GRK4: variants seen among roughly 807,000 people sequenced by gnomAD.
GRK4 encodes G protein-coupled receptor kinase 2-like.
GRK4 carries 73 observed loss-of-function variants against 77.9 expected under a neutral mutation model. The observed-to-expected ratio is 0.94, with a 90% CI of 0.78 to 1.14. The LOEUF is 1.14. GRK4 is among the 50% of genes most tolerant of loss of function. The pLI is 0.00. For missense variants in GRK4, 729 were observed against 700.2 expected (o/e 1.04, Z -0.46); for synonymous variants, 257 against 254.4 (o/e 1.01, Z -0.10).
intron 4 of GRK4, among the ~76,000 whole-genome samples, chr4:2,997,100 T>C (rs774288470): frequency 2.6e-5 from 4 of 152,196 alleles, no homozygotes; most frequent in Non-Finnish European, 5.9e-5. Context: ...AGCAAGACCG[T>C]GTGTTCATTC....
At chr4:2,989,141 A>T (rs1419382510) in intron 3 of GRK4, among the ~76,000 whole-genome samples, 1 of 151,888 alleles carries the variant, frequency 6.6e-6, no homozygotes, top group Non-Finnish European at 1.5e-5. Flanking sequence ...AGATCGCACC[A>T]CTGCCTTCCA....
chr4:2,994,680 A>G (rs554297332), intron 4 of GRK4, among the ~76,000 whole-genome samples: 3 of 152,374 alleles, frequency 2.0e-5, no homozygotes, highest in Non-Finnish European at 2.9e-5. Flanking sequence ...CAAATGTGGA[A>G]GAGGAGGGAA....
chr4:2,981,928 G>A lies in GRK4; in HGVS notation c.53-2585G>A, dbSNP rs1722985747. Among the ~76,000 whole-genome samples the A allele has an allele frequency of 2.0e-5, 3 of 152,256 alleles. No individual in the cohort carries two copies. In the South Asian group the frequency reaches 6.2e-4, roughly 31 times the overall value. On this transcript the variant is annotated intron_variant, in intron 1 of 15. Coordinates refer to ENST00000398052, the MANE Select transcript of GRK4 (RefSeq NM_182982.3). ...TGGTGTCCAAAGTCTGGAGGGGGCTGAGGTGGCAGGTGGCTGGTGTGTCAG... is the reference window on the plus strand; with the variant it reads ...TGGTGTCCAAAGTCTGGAGGGGGCTAAGGTGGCAGGTGGCTGGTGTGTCAG...
At chr4:2,972,526 G>C (rs1041734721) in intron 1 of GRK4, among the ~76,000 whole-genome samples, 2 of 145,104 alleles carry the variant, frequency 1.4e-5, no homozygotes, top group South Asian at 2.1e-4. Flanking sequence ...CCAAACCTGC[G>C]GGGGGGGGCC....
chr4:3,014,729 G>A (rs1197059538), intron 8 of GRK4, among the ~76,000 whole-genome samples: 2 of 152,014 alleles, frequency 1.3e-5, no homozygotes, highest in African/African-American at 2.4e-5. Context: ...CCTGGGAGGC[G>A]GAGGTTGCAG....
intron 12 of GRK4, 131 bp from the exon 13 acceptor site, chr4:3,035,255 A>T (rs1740283911): frequency 1.0e-6 from 1 of 985,330 alleles, no homozygotes; most frequent in Non-Finnish European, 1.6e-6. Flanking sequence ...AAAAAAAGAA[A>T]AAAAAAGAAA....
intron 8 of GRK4, among the ~76,000 whole-genome samples, chr4:3,015,951 C>T (rs889174607): frequency 4.7e-5 from 7 of 149,112 alleles, no homozygotes; most frequent in Non-Finnish European, 8.9e-5. Context: ...CACTGTCTCC[C>T]GGGCTGGAGT....
At chr4:3,004,865 A>G (rs1221681007) in intron 5 of GRK4, among the ~76,000 whole-genome samples, 5 of 151,924 alleles carry the variant, frequency 3.3e-5, no homozygotes, top group African/African-American at 9.7e-5. Context: ...CTCAACCCGC[A>G]TTGTTCAAGG....
chr4:3,003,267 G>T (rs972337237), intron 4 of GRK4, among the ~76,000 whole-genome samples: 1 of 152,158 alleles, frequency 6.6e-6, no homozygotes, highest in Non-Finnish European at 1.5e-5. Flanking sequence ...TCAGCTCACT[G>T]CAACCTCCGC....
intron 7 of GRK4, among the ~76,000 whole-genome samples, chr4:3,013,441 A>G (rs918974616): frequency 6.6e-6 from 1 of 152,150 alleles, no homozygotes; most frequent in Non-Finnish European, 1.5e-5. Flanking sequence ...AAAATTAAAC[A>G]TTTACCGTGA....
intron 14 of GRK4, 46 bp downstream of exon 14, chr4:3,037,557 A>G: frequency 6.4e-7 from 1 of 1,552,340 alleles, no homozygotes; most frequent in Non-Finnish European, 8.8e-7. Context: ...TCCAACAGTG[A>G]CCCAGGGAAA....
intron 4 of GRK4, among the ~76,000 whole-genome samples, chr4:2,994,521 A>G (rs371842394): frequency 8.5e-5 from 13 of 152,256 alleles, no homozygotes; most frequent in South Asian, 4.1e-4. Context: ...CCATTTATCT[A>G]GTTATTATTC....
intron 4 of GRK4, among the ~76,000 whole-genome samples, chr4:2,993,546 T>C (rs2515940): frequency 0.39 from 59,673 of 151,614 alleles, 12,652 homozygotes; most frequent in African/African-American, 0.55. Context: ...TGGTGGTGCA[T>C]GCCTGTAATC....
chr4:3,026,566 CAAAAG>C (rs1418977726), intron 10 of GRK4, among the ~76,000 whole-genome samples: 1 of 151,926 alleles, frequency 6.6e-6, no homozygotes, highest in Non-Finnish European at 1.5e-5. Context: ...CCTGTCTCTA[CAAAAG>C]AAAAGAAAAG....
intron 14 of GRK4, 133 bp from the exon 15 acceptor site, chr4:3,038,242 AG>A: frequency 9.9e-7 from 1 of 1,008,028 alleles, no homozygotes; most frequent in East Asian, 2.4e-5. Context: ...AACCCAGAAA[AG>A]GGGCCCCACA....
At position 2,992,377 on chromosome 4, in the gene GRK4, A is replaced by G. The variant is rs181062793; in HGVS notation, c.339+85A>G. The stretch of plus-strand genomic sequence containing the variant: ...TTTACTTTGTTAGATAAGACGTAAC[A>G]TATGTTAAAAGCTTTAATTTGGCTG... On this transcript the variant is annotated intron_variant, in intron 4 of 15. Transcript: ENST00000398052. 4.4e-6 allele frequency: 4 copies of G among 913,770 alleles called. No homozygotes were observed. The East Asian group carries it at 7.8e-5, about 18-fold the overall frequency. The allele number at this position is 913,770 out of a possible 1,614,324, so 56.6% of individuals were successfully genotyped here. A position where few individuals can be genotyped will look rare whatever the true frequency, so the allele number is the denominator to read the frequency against.
intron 2 of GRK4, among the ~76,000 whole-genome samples, chr4:2,987,476 G>A (rs745429569): frequency 6.6e-6 from 1 of 152,140 alleles, no homozygotes; most frequent in Non-Finnish European, 1.5e-5. Flanking sequence ...CAGTTCGGTG[G>A]CATTGAGTTG....
At position 3,037,409 on chromosome 4, in the gene GRK4, C is replaced by T. The variant is rs759753038; in HGVS notation, c.1443C>T (p.Ile481=). ...TTTACTGTAAGGACGTCCTGGATATCGAGCAGTTCTCGGTGGTGAAAGGGA... is the reference window on the plus strand; with the variant it reads ...TTTACTGTAAGGACGTCCTGGATATTGAGCAGTTCTCGGTGGTGAAAGGGA... ...HAVYCKDVLD[I]EQFSVVKGIY... Residue 481 remains isoleucine, a synonymous_variant, in exon 14 of 16, where the codon ATC becomes ATT. Coordinates refer to ENST00000398052, the MANE Select transcript of GRK4 (RefSeq NM_182982.3). 3.1e-6 allele frequency: 5 copies of T among 1,609,088 alleles called. No individual in the cohort carries two copies. Among genetic ancestry groups the T allele is most frequent in the South Asian group, 1.1e-5 (1 of 90,852 alleles).
Position 3,019,709 on chromosome 4 carries a change from G to A in GRK4, c.810G>A (p.Gly270=). The A allele has an allele frequency of 6.2e-7, 1 of 1,614,176 alleles. No homozygotes were observed. The highest frequency in any genetic ancestry group is 8.5e-7 in the Non-Finnish European group (1 of 1,180,028). ...TGGTGCTCACCATTATGAATGGAGG[G>A]GATTTGAAGTTTCACATTTACAACC... is the stretch of plus-strand genomic sequence containing the variant. ...LCLVLTIMNG[G]DLKFHIYNLG... Residue 270 remains glycine (G), a synonymous_variant, in exon 9 of 16, where the codon GGG becomes GGA. Transcript: ENST00000398052.
Sources: gnomAD v4.1 joint callset for allele counts (sites outside exome capture counted in the v4.1 genomes callset) on GRCh38, gnomAD v4.1.1 for gene constraint, MANE v1.5 for transcripts, NCBI Gene and HGNC (gene_info 2026-07-23, HGNC 2026-07-21) for gene names.